Variants in HCN1 observed in about 807,000 individuals in gnomAD.
The protein encoded by HCN1 is hyperpolarization activated cyclic nucleotide gated potassium channel 1, also known as potassium/sodium hyperpolarization-activated cyclic nucleotide-gated channel 1.
In HCN1, 13 loss-of-function variants were observed where a neutral mutation model predicts 78.9. The ratio of observed to expected loss-of-function variants is 0.16; its 90% CI spans 0.11 to 0.26. HCN1 has a LOEUF of 0.26. Ranked by LOEUF, HCN1 falls within the 10% of genes least tolerant of loss-of-function variation. The pLI is 1.00. For synonymous variants in HCN1, 552 were observed against 455.5 expected, an observed-to-expected ratio of 1.21 and a Z score of -2.70; for missense variants, 810 against 1,154.3, an observed-to-expected ratio of 0.70 and a Z score of 4.32.
In HCN1 at chr5:45,475,587, A is replaced by T. The variant is rs527834844; in HGVS notation, c.850-13580T>A. Among the ~76,000 whole-genome samples the T allele has an allele frequency of 3.9e-5, 6 of 152,170 alleles. No individual in the cohort carries two copies. The East Asian group carries it at 1.2e-3, about 29-fold the overall frequency. ...CTTAATAGAATTCAGTATTTCTGAC[A>T]AGTTCTAAATGGAGGCGTCCAAAAG... On this transcript the variant is annotated intron_variant, in intron 2 of 7. Coordinates refer to ENST00000303230, the MANE Select transcript of HCN1 (RefSeq NM_021072.4).
At chr5:45,669,544 T>C (rs1049180610) in intron 1 of HCN1, among the ~76,000 whole-genome samples, 6 of 151,742 alleles carry the variant, frequency 4.0e-5, no homozygotes, top group African/African-American at 1.5e-4. Flanking sequence ...GAACTGAACC[T>C]ATAGAGGAAC....
intron 5 of HCN1, among the ~76,000 whole-genome samples, chr5:45,310,314 C>CAA (rs527929272): frequency 1.3e-5 from 2 of 149,108 alleles, no homozygotes; most frequent in Admixed American, 6.7e-5. Context: ...AACAAATTTA[C>CAA]AAAAAAAAAT....
chr5:45,276,676 A>G lies in HCN1; in HGVS notation c.1619-9423T>C, dbSNP rs575988604. ...CTTATCCTGACTGAAAGAGTCGAGA[A>G]TTATAAATTCAAGCATAATATGAAA... is the stretch of plus-strand genomic sequence containing the variant. On this transcript the variant is annotated intron_variant, in intron 6 of 7. Transcript: ENST00000303230. 3.9e-5 allele frequency among the ~76,000 whole-genome samples: 6 copies of G among 152,256 alleles called. No individual in the cohort carries two copies. The South Asian group carries it at 1.2e-3, about 32-fold the overall frequency.
chr5:45,562,565 C>A lies in HCN1; in HGVS notation c.849+82620G>T, dbSNP rs974638690. On this transcript the variant is annotated intron_variant, in intron 2 of 7. Coordinates refer to ENST00000303230, the MANE Select transcript of HCN1 (RefSeq NM_021072.4). ...TAAATTTTATACACAAATAGGCACA[C>A]ACAGAAAGACACATATACAAACACC... Among the ~76,000 whole-genome samples, 6 of 151,850 alleles carry A rather than the reference C, an allele frequency of 4.0e-5. No individual in the cohort carries two copies. In the East Asian group the frequency reaches 1.2e-3, roughly 29 times the overall value.
At chr5:45,406,737 G>T (rs1739932874) in intron 3 of HCN1, among the ~76,000 whole-genome samples, 1 of 152,010 alleles carries the variant, frequency 6.6e-6, no homozygotes, top group Non-Finnish European at 1.5e-5. Context: ...TTTAAACTAT[G>T]TTTCTTCTCA....
At chr5:45,461,808 T>C (rs1317714841) in intron 3 of HCN1, 38 bp downstream of exon 3, 1 of 1,570,564 alleles carries the variant, frequency 6.4e-7, no homozygotes, top group Non-Finnish European at 8.8e-7. Flanking sequence ...TGGCACAACG[T>C]TGAAAAGTCA....
chr5:45,542,702 T>C (rs1579958813), intron 2 of HCN1, among the ~76,000 whole-genome samples: 1 of 152,294 alleles, frequency 6.6e-6, no homozygotes, highest in Admixed American at 6.5e-5. Flanking sequence ...TCCTGTGTAC[T>C]TTCCAGTGAC....
intron 2 of HCN1, among the ~76,000 whole-genome samples, chr5:45,572,359 T>A (rs1659130073): frequency 6.6e-6 from 1 of 152,176 alleles, no homozygotes; most frequent in Non-Finnish European, 1.5e-5. Context: ...TTATGCTTAG[T>A]CCATTACTTA....
intron 2 of HCN1, among the ~76,000 whole-genome samples, chr5:45,498,109 G>T (rs894741998): frequency 1.3e-5 from 2 of 152,140 alleles, no homozygotes; most frequent in South Asian, 2.1e-4. Flanking sequence ...GTTCTCTTTA[G>T]TTCCTGAATC....
At chr5:45,372,360 T>C (rs1369108182) in intron 4 of HCN1, among the ~76,000 whole-genome samples, 2 of 107,974 alleles carry the variant, frequency 1.9e-5, no homozygotes, top group Middle Eastern at 0.012. Flanking sequence ...TTACATATTA[T>C]ATATAAAACA....
intron 2 of HCN1, among the ~76,000 whole-genome samples, chr5:45,618,592 C>G (rs933354850): frequency 2.0e-5 from 3 of 152,040 alleles, no homozygotes; most frequent in Admixed American, 6.6e-5. Context: ...GTGTAATTCA[C>G]CCAATGTAAG....
chr5:45,529,526 C>A (rs749616710), intron 2 of HCN1, among the ~76,000 whole-genome samples: 1 of 151,866 alleles, frequency 6.6e-6, no homozygotes, highest in African/African-American at 2.4e-5. Flanking sequence ...GTGTAATCTG[C>A]AGGGAAGGCG....
At position 45,258,510 on chromosome 5, in the gene HCN1, C is replaced by A. The variant is rs1014710704; in HGVS notation, c.*3411G>T. On this transcript the variant is annotated 3_prime_UTR_variant, in exon 8 of 8. Coordinates refer to ENST00000303230, the MANE Select transcript of HCN1 (RefSeq NM_021072.4). ...TGGTGAATAGAATATATTGCCATTGCTACTATTTATCCTCCTTGTTTTCAG... is the reference window on the plus strand; with the variant it reads ...TGGTGAATAGAATATATTGCCATTGATACTATTTATCCTCCTTGTTTTCAG... 6.6e-6 allele frequency: 1 copy of A among 152,120 alleles called. No individual in the cohort carries two copies. The highest frequency in any genetic ancestry group is 1.5e-5 in the Non-Finnish European group (1 of 67,986). The allele number at this position is 152,120 out of a possible 1,614,324, so 9.4% of individuals were successfully genotyped here.
intron 2 of HCN1, chr5:45,559,208 C>T (rs973127868): frequency 6.6e-6 from 1 of 151,956 alleles, no homozygotes; most frequent in Non-Finnish European, 1.5e-5. Flanking sequence ...TGGATATGTA[C>T]AAGGAAATTA....
chr5:45,312,372 G>T lies in HCN1; in HGVS notation c.1378-8533C>A, dbSNP rs537324996. Among the ~76,000 whole-genome samples, 5 of 152,258 alleles carry T rather than the reference G, an allele frequency of 3.3e-5. No homozygotes were observed. In the South Asian group the frequency reaches 6.2e-4, roughly 19 times the overall value. On this transcript the variant is annotated intron_variant, in intron 5 of 7. Transcript: ENST00000303230. The stretch of plus-strand genomic sequence containing the variant: ...ATGTCTATTTATTTTAGATATAAAA[G>T]TATTTGCTGGGGGCGGTTCCAAGAT...
At chr5:45,467,625 A>G (rs1391463047) in intron 2 of HCN1, among the ~76,000 whole-genome samples, 1 of 152,062 alleles carries the variant, frequency 6.6e-6, no homozygotes, top group Non-Finnish European at 1.5e-5. Context: ...ACCTTAGTTG[A>G]GGCCCTCAGC....
chr5:45,269,434 T>C (rs986878810), intron 6 of HCN1, among the ~76,000 whole-genome samples: 1 of 152,232 alleles, frequency 6.6e-6, no homozygotes, highest in Non-Finnish European at 1.5e-5. Context: ...CATTGTTTTG[T>C]CTCTTTTTCT....
intron 4 of HCN1, among the ~76,000 whole-genome samples, chr5:45,374,758 A>T (rs539380670): frequency 5.2e-4 from 66 of 128,120 alleles, no homozygotes; most frequent in Non-Finnish European, 9.3e-4. Flanking sequence ...AAATACTTGC[A>T]AAATACTATG....
Position 45,494,056 on chromosome 5 carries a change from A to G in HCN1, c.850-32049T>C, listed in dbSNP as rs1741963634. On this transcript the variant is annotated intron_variant, in intron 2 of 7. Coordinates refer to ENST00000303230, the MANE Select transcript of HCN1 (RefSeq NM_021072.4). ...TGCTATTGTGAATAATGCCGCAATA[A>G]ACATACGTGTGCATGTGTCTTTATA... 2.0e-5 allele frequency among the ~76,000 whole-genome samples: 3 copies of G among 152,174 alleles called. No homozygotes were observed. In the South Asian group the frequency reaches 6.2e-4, roughly 32 times the overall value.
Sources: gnomAD v4.1 joint callset for allele counts (sites outside exome capture counted in the v4.1 genomes callset) on GRCh38, gnomAD v4.1.1 for gene constraint, MANE v1.5 for transcripts, NCBI Gene and HGNC (gene_info 2026-07-23, HGNC 2026-07-21) for gene names.